ZBTB16: variants seen among roughly 807,000 people sequenced by gnomAD.
ZBTB16 encodes the protein zinc finger and BTB domain-containing protein 16.
Under a neutral mutation model 56.8 loss-of-function variants are expected in ZBTB16, and 8 were observed. That is an observed-to-expected ratio of 0.14 (90% CI 0.08 to 0.25). The LOEUF is 0.25. Among genes scored for constraint, ZBTB16 ranks in the 10% least tolerant of loss-of-function variants. The pLI, the probability that ZBTB16 is intolerant of heterozygous loss-of-function variation, is 1.00. For missense variants in ZBTB16, 625 were observed against 903.0 expected, an observed-to-expected ratio of 0.69 and a Z score of 3.95; for synonymous variants, 363 against 368.5, an observed-to-expected ratio of 0.98 and a Z score of 0.17.
Position 114,088,141 on chromosome 11 carries a change from T to TTC in ZBTB16, c.1268+23574_1268+23575insCT, listed in dbSNP as rs1491107645. On this transcript the variant is annotated intron_variant, in intron 2 of 6. Coordinates refer to ENST00000335953, the MANE Select transcript of ZBTB16 (RefSeq NM_006006.6). ...AGGTATAGATAAAGCCAGATACTTCTTTTTTTTTTTTTTTTTTTGATACAG... is the reference window on the plus strand; with the variant it reads ...AGGTATAGATAAAGCCAGATACTTCTTCTTTTTTTTTTTTTTTTTTGATACAG... Among the ~76,000 whole-genome samples the TTC allele has an allele frequency of 1.6e-3, 16 of 10,042 alleles. No homozygotes were observed. The East Asian group carries it at 0.042, about 26-fold the overall frequency. 6.6% of individuals were successfully genotyped at this position (10,042 alleles called of 152,430 possible).
chr11:114,119,869 G>A lies in ZBTB16; in HGVS notation c.1269-36468G>A, dbSNP rs568274458. 2.6e-5 allele frequency among the ~76,000 whole-genome samples: 4 copies of A among 152,310 alleles called. No homozygotes were observed. In the South Asian group the frequency reaches 8.3e-4, roughly 32 times the overall value. On this transcript the variant is annotated intron_variant, in intron 2 of 6. Transcript: ENST00000335953. ...TAGCAAGCGGTGGAGCGAGGATCTT[G>A]ACTAATACTGCAGCTTTTCCCACTT...
intron 2 of ZBTB16, among the ~76,000 whole-genome samples, chr11:114,127,586 G>T (rs1941544270): frequency 6.6e-6 from 1 of 152,172 alleles, no homozygotes; most frequent in Non-Finnish European, 1.5e-5. Flanking sequence ...TCAGGTGCTT[G>T]TGGATGGGTA....
intron 4 of ZBTB16, among the ~76,000 whole-genome samples, chr11:114,241,902 C>T (rs1308437378): frequency 1.3e-5 from 2 of 152,156 alleles, no homozygotes; most frequent in South Asian, 2.1e-4. Flanking sequence ...CACAGTTGCC[C>T]ACTACCCTTG....
At chr11:114,139,554 C>T (rs1941888700) in intron 2 of ZBTB16, among the ~76,000 whole-genome samples, 1 of 151,816 alleles carries the variant, frequency 6.6e-6, no homozygotes, top group South Asian at 2.1e-4. Flanking sequence ...TTCCTTCTCC[C>T]CCCCCAAAGA....
chr11:114,147,464 C>G (rs1209005481), intron 2 of ZBTB16, among the ~76,000 whole-genome samples: 2 of 152,136 alleles, frequency 1.3e-5, no homozygotes, highest in African/African-American at 4.8e-5. Context: ...GAACAAAAAC[C>G]CTGTTCATCC....
chr11:114,248,624 GC>G (rs1944859461), intron 6 of ZBTB16, among the ~76,000 whole-genome samples: 1 of 152,210 alleles, frequency 6.6e-6, no homozygotes, highest in African/African-American at 2.4e-5. Flanking sequence ...GGCAGGTCCT[GC>G]TGGCTTAGAG....
intron 4 of ZBTB16, among the ~76,000 whole-genome samples, chr11:114,195,268 C>T (rs645349): frequency 0.61 from 91,550 of 151,234 alleles, 28,479 homozygotes; most frequent in African/African-American, 0.75. Flanking sequence ...GAGGTCTGAG[C>T]AAAGAGGCCA....
rs1365965229 is a variant in ZBTB16, at chr11:114,235,749, CTTCCTTCCTTCCTTCCTTCG to C, written c.1454-6398_1454-6379del. Among the ~76,000 whole-genome samples, 20 of 133,050 alleles carry C rather than the reference CTTCCTTCCTTCCTTCCTTCG, an allele frequency of 1.5e-4. No homozygotes were observed. The East Asian group carries it at 2.2e-3, about 14-fold the overall frequency. 87.3% of individuals were successfully genotyped at this position (133,050 alleles called of 152,430 possible). ...TTCTTTCTTTCTTTTCTTTTCTTTC[CTTCCTTCCTTCCTTCCTTCG>C]TTCCTTCCTTCCTTCCTTCTCCTTT... On this transcript the variant is annotated intron_variant, in intron 4 of 6. Transcript: ENST00000335953.
intron 1 of ZBTB16, among the ~76,000 whole-genome samples, chr11:114,062,107 T>A (rs1397580018): frequency 1.3e-5 from 2 of 151,336 alleles, no homozygotes; most frequent in African/African-American, 4.8e-5. Flanking sequence ...ACACACACTT[T>A]TTTTTTTTTT....
intron 2 of ZBTB16, among the ~76,000 whole-genome samples, chr11:114,139,461 T>C (rs1941885555): frequency 6.6e-6 from 1 of 152,202 alleles, no homozygotes; most frequent in Non-Finnish European, 1.5e-5. Context: ...CTATAATAGT[T>C]TCTTGACGAT....
At chr11:114,188,110 A>C (rs557479132) in intron 4 of ZBTB16, 1 of 152,762 alleles carries the variant, frequency 6.5e-6, no homozygotes, top group East Asian at 1.9e-4. Context: ...AATGTGCTTA[A>C]ATCATCCCAG....
intron 3 of ZBTB16, among the ~76,000 whole-genome samples, chr11:114,162,856 C>T (rs1248161674): frequency 6.6e-6 from 1 of 152,162 alleles, no homozygotes; most frequent in African/African-American, 2.4e-5. Flanking sequence ...TCCCCCAGCT[C>T]GCTCTTGAAC....
chr11:114,070,926 G>C (rs1162874873), intron 2 of ZBTB16, among the ~76,000 whole-genome samples: 1 of 152,174 alleles, frequency 6.6e-6, no homozygotes, highest in African/African-American at 2.4e-5. Context: ...GAGGTTGTTG[G>C]TTGTGAAGAT....
intron 4 of ZBTB16, among the ~76,000 whole-genome samples, chr11:114,227,696 A>G (rs948778763): frequency 3.3e-5 from 5 of 151,820 alleles, no homozygotes; most frequent in African/African-American, 1.2e-4. Flanking sequence ...AAGGCCCCAT[A>G]CTCCCTGCTT....
chr11:114,122,516 G>A (rs898718392), intron 2 of ZBTB16, among the ~76,000 whole-genome samples: 1 of 152,144 alleles, frequency 6.6e-6, no homozygotes, highest in African/African-American at 2.4e-5. Flanking sequence ...TTAAACAAGA[G>A]GATTTAATAT....
At chr11:114,130,316 ATGTTGGAGG>A (rs1941626951) in intron 2 of ZBTB16, among the ~76,000 whole-genome samples, 1 of 152,152 alleles carries the variant, frequency 6.6e-6, no homozygotes, top group African/African-American at 2.4e-5. Context: ...CTCTCAAGGC[ATGTTGGAGG>A]CCCTTGTGCA....
chr11:114,088,775 T>C (rs1372079943), intron 2 of ZBTB16, among the ~76,000 whole-genome samples: 1 of 152,240 alleles, frequency 6.6e-6, no homozygotes, highest in Non-Finnish European at 1.5e-5. Context: ...AGAGTCATCT[T>C]TGCTCTGAAG....
At position 114,087,387 on chromosome 11, in the gene ZBTB16, G is replaced by A. The variant is rs572279060; in HGVS notation, c.1268+22819G>A. 3.3e-5 allele frequency among the ~76,000 whole-genome samples: 5 copies of A among 151,426 alleles called. 1 individual carries two copies. In the South Asian group the frequency reaches 1.1e-3, roughly 32 times the overall value. The stretch of plus-strand genomic sequence containing the variant: ...ACATTCTTTTCCAGTAGCCTCACGG[G>A]CACACCAGTCCTGCAAGGATCTAGA... On this transcript the variant is annotated intron_variant, in intron 2 of 6. Transcript: ENST00000335953.
At chr11:114,223,043 A>G (rs1453547185) in intron 4 of ZBTB16, among the ~76,000 whole-genome samples, 1 of 152,208 alleles carries the variant, frequency 6.6e-6, no homozygotes, top group South Asian at 2.1e-4. Context: ...ACCAGTGCCC[A>G]GAAGTTGTTG....
Sources: gnomAD v4.1 joint callset for allele counts (sites outside exome capture counted in the v4.1 genomes callset) on GRCh38, gnomAD v4.1.1 for gene constraint, MANE v1.5 for transcripts, NCBI Gene and HGNC (gene_info 2026-07-23, HGNC 2026-07-21) for gene names.